OR3A2: variants seen among roughly 807,000 people sequenced by gnomAD.
OR3A2 encodes the protein olfactory receptor 3A2.
For missense variants in OR3A2, 318 were observed against 392.8 expected (o/e 0.81, Z 1.61); for synonymous variants, 126 against 159.3 (o/e 0.79, Z 1.57).
exon 2 of OR3A2, chr17:3,277,793 G>A: frequency 1.5e-6 from 1 of 677,974 alleles, no homozygotes. Context: ...ACTCTAATAA[G>A]TATTTGTTGA....
chr17:3,377,105 G>A (rs2049691653), intron 2 of OR3A2, among the ~76,000 whole-genome samples: 1 of 152,192 alleles, frequency 6.6e-6, no homozygotes. Flanking sequence ...GCGGCAAGCT[G>A]CTTCTTTCAA....
At chr17:3,331,834 ATCT>A (rs2049237472) in intron 3 of OR3A2, among the ~76,000 whole-genome samples, 1 of 151,080 alleles carries the variant, frequency 6.6e-6, no homozygotes, top group African/African-American at 2.5e-5. Flanking sequence ...TTTTTTCCCC[ATCT>A]TTGTGGTTTT....
chr17:3,383,922 GAATA>G (rs1332909058), intron 1 of OR3A2: 8 of 146,180 alleles, frequency 5.5e-5, no homozygotes, highest in South Asian at 4.4e-4. Flanking sequence ...AATATTTATT[GAATA>G]AATATTGTAT....
chr17:3,381,215 G>A (rs997277214), intron 2 of OR3A2, among the ~76,000 whole-genome samples: 1 of 151,942 alleles, frequency 6.6e-6, no homozygotes, highest in African/African-American at 2.4e-5. Flanking sequence ...GTGTGCAAGC[G>A]TGTATCCCTG....
At chr17:3,277,935 C>T in exon 2 of OR3A2, 4 of 1,548,702 alleles carry the variant, frequency 2.6e-6, no homozygotes, top group Non-Finnish European at 3.5e-6. Flanking sequence ...TTCCTCAGTC[C>T]AGAAAAGGCA....
chr17:3,382,901 C>A (rs1465563255), intron 2 of OR3A2, among the ~76,000 whole-genome samples: 2 of 152,178 alleles, frequency 1.3e-5, no homozygotes, highest in East Asian at 3.8e-4. Flanking sequence ...AGGACAACGA[C>A]TGGCCTTTCT....
intron 3 of OR3A2, among the ~76,000 whole-genome samples, chr17:3,298,551 C>T (rs1375913070): frequency 6.6e-6 from 1 of 152,186 alleles, no homozygotes; most frequent in African/African-American, 2.4e-5. Flanking sequence ...TGGCAACGTG[C>T]CCTGGCATGG....
At chr17:3,336,169 G>A (rs2049273652) in intron 2 of OR3A2, 43 bp from the exon 2 acceptor site, 1 of 152,200 alleles carries the variant, frequency 6.6e-6, no homozygotes, top group African/African-American at 2.4e-5. Context: ...CATCAGCCAA[G>A]CATTCACTAG....
chr17:3,315,672 T>C (rs976737736), intron 3 of OR3A2, among the ~76,000 whole-genome samples: 3 of 151,312 alleles, frequency 2.0e-5, no homozygotes, highest in African/African-American at 7.3e-5. Context: ...TATTTTGCTA[T>C]GCGGATCTTT....
intron 3 of OR3A2, among the ~76,000 whole-genome samples, chr17:3,314,586 G>A (rs953695819): frequency 2.0e-5 from 3 of 152,224 alleles, no homozygotes; most frequent in Non-Finnish European, 4.4e-5. Context: ...GACTGGGGAG[G>A]GCAGTGGAAA....
At position 3,297,038 on chromosome 17, in the gene OR3A2, C is replaced by T. The variant is rs535369096; in HGVS notation, c.-84-17885G>A. ...CTGGGCCCTGCAGAGATTCCCTTTT[C>T]TACACAGGTTCATTTTATATCTGCA... is the stretch of plus-strand genomic sequence containing the variant. On this transcript the variant is annotated intron_variant, in intron 3 of 4. Transcript: ENST00000573491. 7.2e-5 allele frequency among the ~76,000 whole-genome samples: 11 copies of T among 152,314 alleles called. No homozygotes were observed. The South Asian group carries it at 2.3e-3, about 32-fold the overall frequency.
At chr17:3,370,352 T>C (rs986931972) in intron 2 of OR3A2, among the ~76,000 whole-genome samples, 1 of 152,230 alleles carries the variant, frequency 6.6e-6, no homozygotes, top group African/African-American at 2.4e-5. Flanking sequence ...TTTGTATTTC[T>C]GTGGTATCAG....
intron 2 of OR3A2, among the ~76,000 whole-genome samples, chr17:3,375,139 CTTT>C (rs552615698): frequency 0.036 from 1,031 of 28,322 alleles, 1 homozygote; most frequent in East Asian, 0.24. Context: ...AGCCTTCTTC[CTTT>C]TTTTTTTTTT....
chr17:3,286,609 A>G (rs2048815808), upstream of OR3A2, among the ~76,000 whole-genome samples: 1 of 152,066 alleles, frequency 6.6e-6, no homozygotes, highest in South Asian at 2.1e-4. Context: ...CTTTTTAATG[A>G]TAGCCATTCT....
chr17:3,361,604 T>C (rs1305720249), intron 2 of OR3A2, among the ~76,000 whole-genome samples: 1 of 151,758 alleles, frequency 6.6e-6, no homozygotes, highest in African/African-American at 2.4e-5. Context: ...ATACCTAATT[T>C]ATTGAGAGTT....
chr17:3,375,828 G>A (rs2049678447), intron 2 of OR3A2, among the ~76,000 whole-genome samples: 1 of 152,164 alleles, frequency 6.6e-6, no homozygotes, highest in African/African-American at 2.4e-5. Context: ...CCCTAGAGAT[G>A]GAACTTCCTG....
At chr17:3,305,031 C>A (rs1270705089) in intron 3 of OR3A2, among the ~76,000 whole-genome samples, 1 of 152,126 alleles carries the variant, frequency 6.6e-6, no homozygotes, top group Non-Finnish European at 1.5e-5. Flanking sequence ...TACGGGGTAA[C>A]ATTTTTGGGT....
At chr17:3,287,332 C>A (rs2048822627), upstream of OR3A2, among the ~76,000 whole-genome samples, 1 of 146,982 alleles carries the variant, frequency 6.8e-6, no homozygotes, top group African/African-American at 2.5e-5. Context: ...ACATTGTACC[C>A]ATTAAGTAAT....
At chr17:3,325,836 T>A (rs913177798) in intron 3 of OR3A2, among the ~76,000 whole-genome samples, 13 of 152,082 alleles carry the variant, frequency 8.5e-5, no homozygotes, top group African/African-American at 1.2e-4. Flanking sequence ...TGTGCAGGTT[T>A]ATTACATAGG....
Sources: gnomAD v4.1 joint callset for allele counts (sites outside exome capture counted in the v4.1 genomes callset) on GRCh38, gnomAD v4.1.1 for gene constraint, MANE v1.5 for transcripts, NCBI Gene and HGNC (gene_info 2026-07-23, HGNC 2026-07-21) for gene names.